SCAF11: variants seen among roughly 807,000 people sequenced by gnomAD.
The protein encoded by SCAF11 is protein SCAF11.
In SCAF11, 47 loss-of-function variants were observed where a neutral mutation model predicts 140.5. That is an observed-to-expected ratio of 0.33 (90% CI 0.26 to 0.43). SCAF11 has a LOEUF of 0.43. Ranked by LOEUF, SCAF11 falls within the 20% of genes least tolerant of loss-of-function variation. The pLI is 1.00. For synonymous variants in SCAF11, 557 were observed against 579.4 expected (o/e 0.96, Z 0.55); for missense variants, 1,645 against 1,705.1 (o/e 0.96, Z 0.62).
intron 3 of SCAF11, 51 bp from the exon 4 acceptor site, chr12:45,951,778 A>T: frequency 8.9e-7 from 1 of 1,127,102 alleles, no homozygotes; most frequent in East Asian, 2.4e-5. Flanking sequence ...TTTAGATCAA[A>T]ATTATAAATA....
At chr12:45,970,489 T>C (rs891168680) in intron 1 of SCAF11, among the ~76,000 whole-genome samples, 2 of 152,238 alleles carry the variant, frequency 1.3e-5, no homozygotes, top group African/African-American at 2.4e-5. Flanking sequence ...AGCACTGATA[T>C]GATAAATGAG....
At chr12:45,958,804 T>C (rs1203738552) in intron 3 of SCAF11, among the ~76,000 whole-genome samples, 1 of 152,246 alleles carries the variant, frequency 6.6e-6, no homozygotes, top group Non-Finnish European at 1.5e-5. Context: ...TTAATCACTT[T>C]AAAGTCCTTA....
At chr12:45,973,918 T>C (rs1482854142) in intron 1 of SCAF11, among the ~76,000 whole-genome samples, 4 of 152,272 alleles carry the variant, frequency 2.6e-5, no homozygotes, top group East Asian at 1.9e-4. Flanking sequence ...TGAGCAAACA[T>C]AGTTAACTAT....
At chr12:45,978,017 G>A (rs1358986709) in intron 1 of SCAF11, among the ~76,000 whole-genome samples, 2 of 152,160 alleles carry the variant, frequency 1.3e-5, no homozygotes, top group Admixed American at 6.5e-5. Context: ...TTATGTGACA[G>A]TCATCCACTC....
At chr12:45,992,054 A>G, upstream of SCAF11, 5 of 1,288,248 alleles carry the variant, frequency 3.9e-6, no homozygotes, top group Non-Finnish European at 5.1e-6. Flanking sequence ...GCCTTCCTGC[A>G]TTCTCGCAGA....
In SCAF11 at chr12:45,921,282, GA is replaced by G. The variant is rs1451088005; in HGVS notation, c.*765del. On this transcript the variant is annotated 3_prime_UTR_variant, in exon 15 of 15. Coordinates refer to ENST00000369367, the MANE Select transcript of SCAF11 (RefSeq NM_004719.3). ...CAGGCGTGAGCCATCATGCCCGGCC[GA>G]AAGTCAACAATTTTTCCAAATCTTT... 2 of 152,482 alleles carry G rather than the reference GA, an allele frequency of 1.3e-5. No individual in the cohort carries two copies. The highest frequency in any genetic ancestry group is 2.9e-5 in the Non-Finnish European group (2 of 68,012). The allele number at this position is 152,482 out of a possible 1,614,324, so 9.4% of individuals were successfully genotyped here. A position where few individuals can be genotyped will look rare whatever the true frequency, so the allele number is the denominator to read the frequency against.
intron 1 of SCAF11, among the ~76,000 whole-genome samples, chr12:45,965,975 A>T (rs1448708013): frequency 1.3e-5 from 2 of 152,234 alleles, no homozygotes; most frequent in African/African-American, 4.8e-5. Context: ...TCAGCATTAG[A>T]ATCTAAAAAC....
rs1353573305 is a variant in SCAF11 at position 45,926,052 on chromosome 12, A to G, written c.3559+90T>C. On this transcript the variant is annotated intron_variant, in intron 11 of 14. Transcript: ENST00000369367. ...GTTCAGCTTATTATAAAAACTACAA[A>G]TAAGGATCATTTCAACTCATACAAA... is the stretch of plus-strand genomic sequence containing the variant. 97 of 1,355,690 alleles carry G rather than the reference A, an allele frequency of 7.2e-5. 1 individual carries two copies. The South Asian group carries it at 1.1e-3, about 15-fold the overall frequency. 84.0% of individuals were successfully genotyped at this position (1,355,690 alleles called of 1,614,324 possible).
rs74713007 is a variant in SCAF11 at position 45,923,032 on chromosome 12, T to G, written c.4029A>C (p.Ser1343=). ...CAGCATTAGAGGCTTTGCTGTGACT[T>G]GATGACGAAGTATTACCAGAACTTG... The part of the protein sequence containing the change: ...QGPSSGNTSS[S]SHSKASNAAV... The change falls in exon 13 of 15, where the codon TCA becomes TCC. Residue 1343 remains serine (S), a synonymous_variant. Coordinates refer to ENST00000369367, the MANE Select transcript of SCAF11 (RefSeq NM_004719.3). 5.0e-4 allele frequency: 813 copies of G among 1,614,218 alleles called. 5 individuals carry two copies. The African/African-American group carries it at 8.1e-3, about 16-fold the overall frequency.
rs1944938883 is a variant in SCAF11, at chr12:45,928,088, T to C, written c.1613A>G (p.Lys538Arg). 6.8e-6 allele frequency: 11 copies of C among 1,613,972 alleles called. No individual in the cohort carries two copies. The highest frequency in any genetic ancestry group is 9.3e-6 in the Non-Finnish European group (11 of 1,180,004). ...AAGATGAACTGTACATACATCTGTC[T>C]TTACCTCTGATTGTGAAAGTCCAGA... ...QISGLSQSEV[K>R]TDVCTVHLPN... The change falls in exon 11 of 15, where the codon AAG (lysine) becomes AGG (arginine). Residue 538 changes from lysine to arginine, a missense_variant. By Grantham distance (26) the Lys-to-Arg change is conservative. Transcript: ENST00000369367.
chr12:45,989,443 G>A (rs1946538068), intron 1 of SCAF11, among the ~76,000 whole-genome samples: 1 of 152,272 alleles, frequency 6.6e-6, no homozygotes, highest in East Asian at 1.9e-4. Flanking sequence ...ACAGTCAGCT[G>A]GTAGACACTG....
At chr12:45,965,310 T>G (rs1279789195) in intron 1 of SCAF11, among the ~76,000 whole-genome samples, 5 of 152,074 alleles carry the variant, frequency 3.3e-5, no homozygotes, top group Non-Finnish European at 7.4e-5. Context: ...AGCACGGAAT[T>G]AAAAGGCTGC....
Position 45,922,041 on chromosome 12 carries a change from C to G in SCAF11, c.*7G>C. 1 of 1,607,154 alleles carries G rather than the reference C, an allele frequency of 6.2e-7. No individual in the cohort carries two copies. On this transcript the variant is annotated 3_prime_UTR_variant, in exon 15 of 15. Transcript: ENST00000369367. Reference sequence around the variant, plus strand: ...TCCTGATAATGTCCTTGACAGCGTTCCCCATTTCAGCCTATGTTTTTTTCA... The same window carrying G: ...TCCTGATAATGTCCTTGACAGCGTTGCCCATTTCAGCCTATGTTTTTTTCA...
chr12:45,932,175 A>G (rs1945060699), intron 9 of SCAF11, among the ~76,000 whole-genome samples: 1 of 152,046 alleles, frequency 6.6e-6, no homozygotes, highest in African/African-American at 2.4e-5. Flanking sequence ...ACTGATTTAT[A>G]CCACTATGTT....
chr12:45,945,047 A>G (rs943657679), intron 6 of SCAF11: 5 of 542,176 alleles, frequency 9.2e-6, no homozygotes, highest in Admixed American at 3.8e-5. Context: ...ACCCCTTTTA[A>G]GAGGAGCAAG....
chr12:45,952,640 T>A (rs1021445576), intron 3 of SCAF11, among the ~76,000 whole-genome samples: 4 of 152,198 alleles, frequency 2.6e-5, no homozygotes, highest in African/African-American at 4.8e-5. Context: ...GCATCAACTC[T>A]AAGAGTTTCT....
chr12:45,930,718 G>A (rs933772335), intron 10 of SCAF11, among the ~76,000 whole-genome samples: 3 of 151,992 alleles, frequency 2.0e-5, no homozygotes, highest in African/African-American at 7.2e-5. Flanking sequence ...TGTGGTTTGA[G>A]TGTGTATATG....
chr12:45,967,601 G>A (rs953775999), intron 1 of SCAF11, among the ~76,000 whole-genome samples: 12 of 152,162 alleles, frequency 7.9e-5, no homozygotes, highest in African/African-American at 1.9e-4. Flanking sequence ...TCGAGATTGC[G>A]CCACTGCACT....
At position 45,964,140 on chromosome 12, in the gene SCAF11, T is replaced by TTAGGGTACATA. The variant is rs1297736487; in HGVS notation, c.17_27dup (p.Asn10TyrfsTer4). 5 of 1,536,244 alleles carry TTAGGGTACATA rather than the reference T, an allele frequency of 3.3e-6. No individual in the cohort carries two copies. The highest frequency in any genetic ancestry group is 4.5e-6 in the Non-Finnish European group (5 of 1,115,538). On this transcript the variant is annotated frameshift_variant, in exon 2 of 15. Transcript: ENST00000369367. LOFTEE classifies it high-confidence loss of function. Reference sequence around the variant, plus strand: ...TCTTCATACTTCTTATCTCCCATATTTAGGGTACATACAGTTTTCTTCTTC... The same window carrying TTAGGGTACATA: ...TCTTCATACTTCTTATCTCCCATATTTAGGGTACATATAGGGTACATACAGTTTTCTTCTTC...
Sources: allele counts gnomAD v4.1 joint callset (sites outside exome capture counted in the v4.1 genomes callset), GRCh38; gene constraint gnomAD v4.1.1; transcripts MANE v1.5; gene names NCBI Gene and HGNC (gene_info 2026-07-23, HGNC 2026-07-21).